The following RHOBTB3 variants were observed in gnomAD, a reference collection of about 807,000 sequenced individuals.
The protein encoded by RHOBTB3 is Rho related BTB domain containing 3, also known as rho-related BTB domain-containing protein 3.
In RHOBTB3, 47 loss-of-function variants were observed where a neutral mutation model predicts 67.2. That is an observed-to-expected ratio of 0.70 (90% confidence interval 0.55 to 0.89). RHOBTB3 has a LOEUF of 0.89. Ranked by LOEUF, RHOBTB3 falls within the 40% of genes least tolerant of loss-of-function variation. The probability of loss-of-function intolerance (pLI) is 0.00; values close to 1 mark genes in which losing one functional copy is unlikely to be tolerated. For missense variants in RHOBTB3, 631 were observed against 750.0 expected, an observed-to-expected ratio of 0.84 and a Z score of 1.85; for synonymous variants, 273 against 274.2, an observed-to-expected ratio of 1.00 and a Z score of 0.04.
intron 1 of RHOBTB3, among the ~76,000 whole-genome samples, chr5:95,721,048 G>A (rs1211771281): frequency 6.6e-6 from 1 of 152,098 alleles, no homozygotes; most frequent in African/African-American, 2.4e-5. Flanking sequence ...AATTTTACCC[G>A]GTGGTAATTA....
intron 8 of RHOBTB3, among the ~76,000 whole-genome samples, chr5:95,778,097 C>T (rs1039678414): frequency 1.5e-4 from 23 of 150,580 alleles, no homozygotes; most frequent in South Asian, 6.3e-4. Flanking sequence ...CCAGCCTGGA[C>T]GACAAAGCAA....
intron 9 of RHOBTB3, chr5:95,782,940 A>G (rs895001288): frequency 6.6e-6 from 1 of 151,864 alleles, no homozygotes; most frequent in Non-Finnish European, 1.5e-5. Context: ...AAAAATGGCA[A>G]GGATCTAGTT....
intron 1 of RHOBTB3, among the ~76,000 whole-genome samples, chr5:95,724,446 GAT>G (rs1754990318): frequency 1.3e-5 from 2 of 152,176 alleles, no homozygotes; most frequent in African/African-American, 2.4e-5. Flanking sequence ...AATTCTATAA[GAT>G]AGAAGAGTTT....
chr5:95,780,057 A>C, intron 8 of RHOBTB3, 195 bp from the exon 9 acceptor site: 1 of 477,362 alleles, frequency 2.1e-6, no homozygotes, highest in Non-Finnish European at 3.7e-6. Flanking sequence ...TTTCAAGGTC[A>C]ACATCTGAAC....
At chr5:95,751,144 A>T (rs1245632733) in intron 4 of RHOBTB3, among the ~76,000 whole-genome samples, 1 of 152,190 alleles carries the variant, frequency 6.6e-6, no homozygotes. Context: ...AGAGATTTTT[A>T]GTTTGTAAAG....
intron 3 of RHOBTB3, among the ~76,000 whole-genome samples, chr5:95,747,809 C>T (rs764339396): frequency 5.3e-5 from 8 of 152,108 alleles, no homozygotes; most frequent in Non-Finnish European, 1.0e-4. Flanking sequence ...GAATGTACTT[C>T]CTATGAAGTT....
chr5:95,783,324 A>G (rs1322825311), intron 9 of RHOBTB3, among the ~76,000 whole-genome samples: 1 of 151,474 alleles, frequency 6.6e-6, no homozygotes, highest in African/African-American at 2.4e-5. Context: ...AGGTTTCACC[A>G]TGTCCGCCAG....
At chr5:95,741,279 G>A (rs1168355102) in intron 3 of RHOBTB3, among the ~76,000 whole-genome samples, 1 of 148,126 alleles carries the variant, frequency 6.8e-6, no homozygotes, top group Non-Finnish European at 1.5e-5. Context: ...AGTGAACCGA[G>A]ATCGCACCAC....
intron 1 of RHOBTB3, among the ~76,000 whole-genome samples, chr5:95,721,197 T>A (rs760774540): frequency 3.9e-5 from 6 of 152,218 alleles, no homozygotes; most frequent in Non-Finnish European, 7.3e-5. Context: ...ATGGGAATAG[T>A]GGAGGCTTTT....
intron 11 of RHOBTB3, among the ~76,000 whole-genome samples, chr5:95,791,674 G>A (rs1326657012): frequency 6.6e-6 from 1 of 152,002 alleles, no homozygotes; most frequent in Non-Finnish European, 1.5e-5. Context: ...GGGATTATAG[G>A]CATGTGCCGC....
chr5:95,746,562 A>G (rs1461058464), intron 3 of RHOBTB3, among the ~76,000 whole-genome samples: 1 of 152,192 alleles, frequency 6.6e-6, no homozygotes, highest in Admixed American at 6.5e-5. Flanking sequence ...CTCAAATTAG[A>G]ATTTATGGCA....
chr5:95,774,673 C>T (rs937098096), intron 8 of RHOBTB3, among the ~76,000 whole-genome samples: 1 of 152,124 alleles, frequency 6.6e-6, no homozygotes, highest in African/African-American at 2.4e-5. Context: ...AAACATTGTA[C>T]TAATTTACAT....
upstream of RHOBTB3, chr5:95,731,225 G>A (rs952017643): frequency 3.0e-6 from 3 of 1,002,336 alleles, no homozygotes; most frequent in East Asian, 1.1e-4. Context: ...CCCCGCATCC[G>A]CCCGACCCCC....
At chr5:95,773,602 C>T (rs1580421505) in intron 8 of RHOBTB3, among the ~76,000 whole-genome samples, 6 of 152,136 alleles carry the variant, frequency 3.9e-5, no homozygotes, top group Admixed American at 3.3e-4. Context: ...AAGAGGGTGA[C>T]GAACCACACA....
chr5:95,745,304 A>G (rs1310671899), intron 3 of RHOBTB3, among the ~76,000 whole-genome samples: 2 of 152,084 alleles, frequency 1.3e-5, no homozygotes, highest in East Asian at 3.9e-4. Flanking sequence ...TTCCTTTGTT[A>G]CACATTTTTG....
intron 7 of RHOBTB3, chr5:95,767,817 C>A (rs1745592794): frequency 1.4e-6 from 1 of 703,812 alleles, no homozygotes; most frequent in African/African-American, 1.7e-5. Flanking sequence ...TTCACTTAGG[C>A]AATTTGTTTA....
At chr5:95,741,199 G>A (rs1251914838) in intron 3 of RHOBTB3, among the ~76,000 whole-genome samples, 1 of 151,826 alleles carries the variant, frequency 6.6e-6, no homozygotes, top group Non-Finnish European at 1.5e-5. Context: ...GTGGTGGCAG[G>A]TGCCTGTAGT....
intron 11 of RHOBTB3, among the ~76,000 whole-genome samples, chr5:95,791,546 C>G (rs1746391177): frequency 6.6e-6 from 1 of 152,114 alleles, no homozygotes; most frequent in Non-Finnish European, 1.5e-5. Flanking sequence ...AGCTGAGCAG[C>G]TAGTTTGTAT....
intron 6 of RHOBTB3, among the ~76,000 whole-genome samples, chr5:95,761,408 T>A (rs890670032): frequency 6.7e-6 from 1 of 149,672 alleles, no homozygotes; most frequent in African/African-American, 2.5e-5. Flanking sequence ...AGTGGCATGA[T>A]CATGGCTCAC....
Sources: allele counts gnomAD v4.1 joint callset (sites outside exome capture counted in the v4.1 genomes callset), GRCh38; gene constraint gnomAD v4.1.1; transcripts MANE v1.5; gene names NCBI Gene and HGNC (gene_info 2026-07-23, HGNC 2026-07-21).